Variants in EYA4 observed in about 807,000 individuals in gnomAD.
EYA4 encodes the protein EYA transcriptional coactivator and phosphatase 4.
A neutral mutation model predicts 87.9 loss-of-function variants in EYA4; 31 were observed. The ratio of observed to expected loss-of-function variants is 0.35; its 90% CI spans 0.27 to 0.48. The LOEUF is 0.48. Ranked by LOEUF, EYA4 falls within the 20% of genes least tolerant of loss-of-function variation. The probability of loss-of-function intolerance (pLI) is 0.99; values close to 1 mark genes in which losing one functional copy is unlikely to be tolerated. For synonymous variants in EYA4, 263 were observed against 270.6 expected, an observed-to-expected ratio of 0.97 and a Z score of 0.28; for missense variants, 678 against 761.4, an observed-to-expected ratio of 0.89 and a Z score of 1.29.
Position 133,531,285 on chromosome 6 carries a change from A to G in EYA4, c.*2480A>G. Reference sequence around the variant, plus strand: ...TCTGGCACAACAATGGTGCAGGCCCACGAGCCAGCATCACAGCTTGGCCAT... The same window carrying G: ...TCTGGCACAACAATGGTGCAGGCCCGCGAGCCAGCATCACAGCTTGGCCAT... On this transcript the variant is annotated 3_prime_UTR_variant, in exon 20 of 20. Coordinates refer to ENST00000355286, the MANE Select transcript of EYA4 (RefSeq NM_004100.5). 2 of 1,310,046 alleles carry G rather than the reference A, an allele frequency of 1.5e-6. No homozygotes were observed. Among genetic ancestry groups the G allele is most frequent in the Non-Finnish European group, 2.1e-6 (2 of 942,438 alleles). 81.2% of individuals were successfully genotyped at this position (1,310,046 alleles called of 1,614,324 possible).
chr6:133,438,160 T>A (rs1791886521), intron 3 of EYA4, among the ~76,000 whole-genome samples: 1 of 152,106 alleles, frequency 6.6e-6, no homozygotes, highest in Non-Finnish European at 1.5e-5. Flanking sequence ...GTATCTCTGT[T>A]CTCTGAAGAC....
chr6:133,421,841 G>T (rs1431984731), intron 3 of EYA4, among the ~76,000 whole-genome samples: 2 of 152,166 alleles, frequency 1.3e-5, no homozygotes, highest in African/African-American at 2.4e-5. Context: ...AGATAGGATT[G>T]TGAATTTGGA....
At chr6:133,260,531 C>T (rs1021019920) in intron 1 of EYA4, among the ~76,000 whole-genome samples, 1 of 152,228 alleles carries the variant, frequency 6.6e-6, no homozygotes, top group Non-Finnish European at 1.5e-5. Flanking sequence ...AGCCACCGCA[C>T]CTCGCCTGTA....
chr6:133,390,208 C>G (rs1583149057), intron 3 of EYA4, among the ~76,000 whole-genome samples: 1 of 151,540 alleles, frequency 6.6e-6, no homozygotes, highest in African/African-American at 2.4e-5. Flanking sequence ...GTCCACTCTC[C>G]TAGTTCTCTT....
chr6:133,291,138 A>T (rs1384297482), intron 2 of EYA4, among the ~76,000 whole-genome samples: 1 of 152,168 alleles, frequency 6.6e-6, no homozygotes, highest in Non-Finnish European at 1.5e-5. Flanking sequence ...ATTTCAAAGG[A>T]CCTTATTAGA....
chr6:133,365,980 C>T (rs896569113), intron 2 of EYA4, among the ~76,000 whole-genome samples: 4 of 152,064 alleles, frequency 2.6e-5, no homozygotes, highest in African/African-American at 9.7e-5. Flanking sequence ...ATATAACTGG[C>T]CTTGTGATAA....
At chr6:133,512,071 G>C (rs1024129374) in intron 14 of EYA4, among the ~76,000 whole-genome samples, 1 of 151,742 alleles carries the variant, frequency 6.6e-6, no homozygotes, top group Non-Finnish European at 1.5e-5. Context: ...ATGATAAATC[G>C]TCATTATTTC....
intron 1 of EYA4, among the ~76,000 whole-genome samples, chr6:133,265,308 C>T (rs1320327952): frequency 6.6e-6 from 1 of 151,402 alleles, no homozygotes; most frequent in Non-Finnish European, 1.5e-5. Context: ...TGGCAAAAAC[C>T]GCAATTGTTT....
At chr6:133,330,893 A>G (rs890512629) in intron 2 of EYA4, among the ~76,000 whole-genome samples, 1 of 152,040 alleles carries the variant, frequency 6.6e-6, no homozygotes, top group African/African-American at 2.4e-5. Flanking sequence ...AGAAGAGCCT[A>G]AAAATTGTGA....
chr6:133,262,273 A>G (rs973931542), intron 1 of EYA4, among the ~76,000 whole-genome samples: 4 of 152,366 alleles, frequency 2.6e-5, no homozygotes, highest in Admixed American at 6.5e-5. Context: ...GATTGCTTCT[A>G]AGAAAGGCTT....
chr6:133,299,714 A>AAAAATAAAAT (rs201014987), intron 2 of EYA4, among the ~76,000 whole-genome samples: 4,129 of 137,558 alleles, frequency 0.03, 255 homozygotes, highest in African/African-American at 0.1. Flanking sequence ...TCTGTCTCAA[A>AAAAATAAAAT]AAAATAAAAT....
intron 2 of EYA4, among the ~76,000 whole-genome samples, chr6:133,365,649 G>A (rs796923623): frequency 9.6e-4 from 146 of 152,242 alleles, no homozygotes; most frequent in African/African-American, 3.4e-3. Context: ...CTGTGGGAAA[G>A]GGAAGGGCAG....
chr6:133,451,954 GA>G (rs201647294), intron 5 of EYA4, among the ~76,000 whole-genome samples: 8,990 of 152,084 alleles, frequency 0.059, 462 homozygotes, highest in East Asian at 0.23. Context: ...CTCTTTTGTA[GA>G]TTTTTTTTTA....
At chr6:133,258,684 TGCTTGTATG>T (rs1045700660) in intron 1 of EYA4, among the ~76,000 whole-genome samples, 7 of 152,120 alleles carry the variant, frequency 4.6e-5, no homozygotes, top group African/African-American at 1.2e-4. Context: ...ACTTGGTTTC[TGCTTGTATG>T]GCTCTCCATC....
At position 133,481,570 on chromosome 6, in the gene EYA4, C is replaced by A. The variant is rs765773822; in HGVS notation, c.1078C>A (p.Pro360Thr). 2.4e-5 allele frequency: 39 copies of A among 1,613,828 alleles called. No homozygotes were observed. The highest frequency in any genetic ancestry group is 3.2e-5 in the Non-Finnish European group (38 of 1,179,930). Residue 360 changes from proline (P) to threonine (T), a missense_variant, in exon 12 of 20, where the codon CCC becomes ACC. By Grantham distance (38) the Pro-to-Thr change is conservative (BLOSUM62 -1). Coordinates refer to ENST00000355286, the MANE Select transcript of EYA4 (RefSeq NM_004100.5). ...CAGAGGAAGAGGCCGGAAAAATAAT[C>A]CCTCCCCGCCTCCTGATAGTGACCT... ...KSRGRGRKNNPSPPPDSDLER... is the reference protein window; with the variant it reads ...KSRGRGRKNNTSPPPDSDLER...
chr6:133,267,677 C>T (rs1435162882), intron 1 of EYA4, among the ~76,000 whole-genome samples: 2 of 152,208 alleles, frequency 1.3e-5, no homozygotes, highest in Non-Finnish European at 2.9e-5. Flanking sequence ...ACCACCACGC[C>T]TGGCCCCTCA....
At chr6:133,393,672 T>G (rs1787500357) in intron 3 of EYA4, among the ~76,000 whole-genome samples, 1 of 152,212 alleles carries the variant, frequency 6.6e-6, no homozygotes, top group African/African-American at 2.4e-5. Context: ...CTATTTCTAG[T>G]CTTTTCCACA....
chr6:133,255,478 A>G (rs1423156225), intron 1 of EYA4, among the ~76,000 whole-genome samples: 3 of 152,168 alleles, frequency 2.0e-5, no homozygotes, highest in African/African-American at 7.2e-5. Flanking sequence ...TTTACTGTGC[A>G]TATGTTATAC....
intron 13 of EYA4, among the ~76,000 whole-genome samples, chr6:133,492,517 T>C (rs923181805): frequency 1.3e-5 from 2 of 152,016 alleles, no homozygotes; most frequent in Non-Finnish European, 2.9e-5. Flanking sequence ...GGGGGAAAAA[T>C]TGAAAACCGT....
Sources: allele counts gnomAD v4.1 joint callset (sites outside exome capture counted in the v4.1 genomes callset), GRCh38; gene constraint gnomAD v4.1.1; transcripts MANE v1.5; gene names NCBI Gene and HGNC (gene_info 2026-07-23, HGNC 2026-07-21).